The following PRKCB variants were observed in gnomAD, a reference collection of about 807,000 sequenced individuals.
PRKCB encodes protein kinase C beta, also known as protein kinase C beta type.
A neutral mutation model predicts 81.5 loss-of-function variants in PRKCB; 13 were observed. The observed-to-expected ratio is 0.16, with a 90% CI of 0.10 to 0.25. PRKCB has a LOEUF of 0.25. Ranked by LOEUF, PRKCB falls within the 10% of genes least tolerant of loss-of-function variation. The pLI is 1.00. For synonymous variants in PRKCB, 335 were observed against 321.4 expected (o/e 1.04, Z -0.45); for missense variants, 509 against 875.7 (o/e 0.58, Z 5.29).
intron 2 of PRKCB, among the ~76,000 whole-genome samples, chr16:23,908,589 T>C (rs544851948): frequency 6.6e-6 from 1 of 152,244 alleles, no homozygotes; most frequent in Admixed American, 6.5e-5. Context: ...TGGAGTGCAG[T>C]GGCGCCATCT....
At position 23,857,014 on chromosome 16, in the gene PRKCB, G is replaced by C. The variant is rs575142982; in HGVS notation, c.205+19608G>C. 4.6e-5 allele frequency among the ~76,000 whole-genome samples: 7 copies of C among 152,204 alleles called. No individual in the cohort carries two copies. The South Asian group carries it at 1.5e-3, about 32-fold the overall frequency. ...TGAGGCTTTTTTTTTAATCTTTAGA[G>C]ATGATATAAATGTAGTGCTTTGAAT... is the stretch of plus-strand genomic sequence containing the variant. On this transcript the variant is annotated intron_variant, in intron 2 of 16. Transcript: ENST00000643927.
At chr16:24,121,000 G>A (rs1413913492) in intron 8 of PRKCB, among the ~76,000 whole-genome samples, 1 of 152,188 alleles carries the variant, frequency 6.6e-6, no homozygotes, top group Non-Finnish European at 1.5e-5. Context: ...AAATATGTAT[G>A]GTCATACCAT....
chr16:23,837,968 C>T (rs1357130831), intron 2 of PRKCB, among the ~76,000 whole-genome samples: 1 of 152,188 alleles, frequency 6.6e-6, no homozygotes, highest in African/African-American at 2.4e-5. Flanking sequence ...ACCCTATCTT[C>T]TGGGTTGAAA....
At chr16:23,933,845 C>T (rs1964016934) in intron 2 of PRKCB, among the ~76,000 whole-genome samples, 2 of 49,782 alleles carry the variant, frequency 4.0e-5, no homozygotes, top group South Asian at 1.5e-3. Flanking sequence ...ATTTTCTATT[C>T]ATCCATCCAT....
intron 15 of PRKCB, 133 bp from the exon 16 acceptor site, chr16:24,190,957 A>T (rs948474965): frequency 1.6e-5 from 19 of 1,172,054 alleles, no homozygotes; most frequent in Non-Finnish European, 2.0e-5. Flanking sequence ...TGGGATAAAA[A>T]GCAAAAAACA....
At chr16:24,184,226 G>T (rs985614165) in intron 13 of PRKCB, among the ~76,000 whole-genome samples, 1 of 152,178 alleles carries the variant, frequency 6.6e-6, no homozygotes, top group African/African-American at 2.4e-5. Flanking sequence ...TGCTTTGGGA[G>T]GCCAAGATGG....
intron 7 of PRKCB, among the ~76,000 whole-genome samples, chr16:24,109,106 CG>C (rs1966629739): frequency 1.4e-5 from 2 of 142,384 alleles, no homozygotes; most frequent in African/African-American, 2.7e-5. Flanking sequence ...TAGGGGCGGC[CG>C]GGCAGAGGCG....
In PRKCB at chr16:24,215,250, C is replaced by T; in HGVS notation, c.*434C>T. 1.0e-6 allele frequency: 1 copy of T among 992,808 alleles called. No homozygotes were observed. The highest frequency in any genetic ancestry group is 1.2e-6 in the Non-Finnish European group (1 of 833,980). 61.5% of individuals were successfully genotyped at this position (992,808 alleles called of 1,614,324 possible). ...GTATCCAAGTGTATGGTTGCTTTGC[C>T]TAAGAGGAATCCCTCTATTTCACCT... On this transcript the variant is annotated 3_prime_UTR_variant, in exon 17 of 17. Transcript: ENST00000643927.
At chr16:24,204,630 G>T (rs940602123) in intron 16 of PRKCB, among the ~76,000 whole-genome samples, 2 of 152,108 alleles carry the variant, frequency 1.3e-5, no homozygotes, top group African/African-American at 2.4e-5. Context: ...TGTTGACATG[G>T]GAAGATGTTT....
Position 24,100,778 on chromosome 16 carries a change from A to T in PRKCB, c.821+6481A>T, listed in dbSNP as rs79640559. ...AATAAACACAGTGCCAGCCAAGCTG[A>T]AGGATGGGAGTTTATTACTCAAATC... On this transcript the variant is annotated intron_variant, in intron 7 of 16. Transcript: ENST00000643927. Among the ~76,000 whole-genome samples, 1,460 of 152,298 alleles carry T rather than the reference A, an allele frequency of 9.6e-3. 10 individuals carry two copies. The highest frequency in any genetic ancestry group is 0.024 in the Middle Eastern group (7 of 294).
chr16:24,121,690 G>T (rs1479020058), intron 8 of PRKCB, among the ~76,000 whole-genome samples: 1 of 152,110 alleles, frequency 6.6e-6, no homozygotes, highest in African/African-American at 2.4e-5. Context: ...AATGTTTTTT[G>T]AATGAATGAA....
At chr16:23,868,686 C>T (rs1480710797) in intron 2 of PRKCB, among the ~76,000 whole-genome samples, 1 of 152,144 alleles carries the variant, frequency 6.6e-6, no homozygotes, top group East Asian at 1.9e-4. Context: ...CCTCCATTTT[C>T]TCTTTAGTTT....
intron 16 of PRKCB, among the ~76,000 whole-genome samples, chr16:24,198,506 T>C (rs982860323): frequency 2.0e-5 from 3 of 152,072 alleles, no homozygotes; most frequent in African/African-American, 7.2e-5. Flanking sequence ...CTTTTCTGCT[T>C]TTTATTTATT....
intron 2 of PRKCB, among the ~76,000 whole-genome samples, chr16:23,854,992 A>G (rs1206570331): frequency 2.6e-5 from 4 of 152,180 alleles, no homozygotes; most frequent in African/African-American, 9.6e-5. Context: ...GCCAGGACTT[A>G]GTGCACACGC....
chr16:23,954,174 C>G (rs936972390), intron 2 of PRKCB, among the ~76,000 whole-genome samples: 1 of 152,000 alleles, frequency 6.6e-6, no homozygotes, highest in African/African-American at 2.4e-5. Flanking sequence ...GTCTTGAACT[C>G]CTGACCTCAG....
chr16:24,081,325 T>G (rs1342915936), intron 5 of PRKCB, among the ~76,000 whole-genome samples: 2 of 151,450 alleles, frequency 1.3e-5, no homozygotes, highest in African/African-American at 2.4e-5. Context: ...GAAAAAAAAT[T>G]AACATATCAA....
chr16:24,031,345 C>A (rs1324725208), intron 3 of PRKCB, among the ~76,000 whole-genome samples: 2 of 152,304 alleles, frequency 1.3e-5, no homozygotes, highest in African/African-American at 4.8e-5. Context: ...CCACATATGG[C>A]TCCAAGTTTG....
At chr16:23,979,718 G>C (rs978166531) in intron 2 of PRKCB, among the ~76,000 whole-genome samples, 1 of 152,220 alleles carries the variant, frequency 6.6e-6, no homozygotes, top group East Asian at 1.9e-4. Context: ...TGCACTGTGT[G>C]AGTTGAGAGT....
Position 23,922,809 on chromosome 16 carries a change from A to G in PRKCB, c.206-65699A>G, listed in dbSNP as rs144612918. On this transcript the variant is annotated intron_variant, in intron 2 of 16. Coordinates refer to ENST00000643927, the MANE Select transcript of PRKCB (RefSeq NM_002738.7). Reference sequence around the variant, plus strand: ...CTGAGGGATCAGGAAATGTGGTTTGATTTATAATTATGGCTTCATGGGTAG... The same window carrying G: ...CTGAGGGATCAGGAAATGTGGTTTGGTTTATAATTATGGCTTCATGGGTAG... Among the ~76,000 whole-genome samples the G allele has an allele frequency of 2.4e-3, 357 of 150,356 alleles. 3 individuals carry two copies. The highest frequency in any genetic ancestry group is 7.1e-3 in the African/African-American group (296 of 41,436).
Sources: allele counts gnomAD v4.1 joint callset (sites outside exome capture counted in the v4.1 genomes callset), GRCh38; gene constraint gnomAD v4.1.1; transcripts MANE v1.5; gene names NCBI Gene and HGNC (gene_info 2026-07-23, HGNC 2026-07-21).